CCN1: variants seen among roughly 807,000 people sequenced by gnomAD.
CCN1 encodes cellular communication network factor 1.
Under a neutral mutation model 38.1 loss-of-function variants are expected in CCN1, and 12 were observed. The ratio of observed to expected loss-of-function variants is 0.31; its 90% confidence interval spans 0.20 to 0.51. The LOEUF (loss-of-function observed/expected upper bound fraction) is 0.51. Among genes scored for constraint, CCN1 ranks in the 20% least tolerant of loss-of-function variants. CCN1 has a pLI of 0.97. For synonymous variants in CCN1, 202 were observed against 196.1 expected, an observed-to-expected ratio of 1.03 and a Z score of -0.25; for missense variants, 466 against 490.9, an observed-to-expected ratio of 0.95 and a Z score of 0.48.
In CCN1 at chr1:85,581,958, A is replaced by G. The variant is rs1234557285; in HGVS notation, c.308A>G (p.Asn103Ser). The change falls in exon 3 of 5, where the codon AAC becomes AGC. Residue 103 changes from asparagine to serine, a missense_variant. Transcript: ENST00000451137. Reference sequence around the variant, plus strand: ...TCAGAGGGCAGACCCTGTGAATATAACTCCAGAATCTACCAAAACGGGGAA... The same window carrying G: ...TCAGAGGGCAGACCCTGTGAATATAGCTCCAGAATCTACCAAAACGGGGAA... ...AQSEGRPCEY[N>S]SRIYQNGESF... 5 of 1,613,976 alleles carry G rather than the reference A, an allele frequency of 3.1e-6. No individual in the cohort carries two copies. In the South Asian group the frequency reaches 5.5e-5, roughly 18 times the overall value.
rs1804662 is a variant in CCN1 at position 85,582,441 on chromosome 1, A to G, written c.660A>G (p.Leu220=). The change falls in exon 4 of 5, where the codon CTA becomes CTG. Residue 220 remains leucine, a synonymous_variant. Coordinates refer to ENST00000451137, the MANE Select transcript of CCN1 (RefSeq NM_001554.5). ...LPVFGMEPRI[L]YNPLQGQKCI... ...TTTTTGGAATGGAGCCTCGCATCCT[A>G]TACAACCCTTTACAAGGCCAGAAAT... 108 of 1,614,156 alleles carry G rather than the reference A, an allele frequency of 6.7e-5. 1 individual carries two copies. The African/African-American group carries it at 1.3e-3, about 19-fold the overall frequency.
chr1:85,582,866 A>T lies in CCN1; in HGVS notation c.970A>T (p.Thr324Ser). The change falls in exon 5 of 5, where the codon ACG (threonine) becomes TCG (serine). Residue 324 changes from threonine (T) to serine (S), a missense_variant. Transcript: ENST00000451137. ...TTCCTGCGTGGACGGCCGATGCTGC[A>T]CGCCCCAGCTGACCAGGACTGTGAA... Reference protein sequence around the residue: ...CGSCVDGRCCTPQLTRTVKMR... With the variant: ...CGSCVDGRCCSPQLTRTVKMR... 1 of 1,614,170 alleles carries T rather than the reference A, an allele frequency of 6.2e-7. No individual in the cohort carries two copies. The highest frequency in any genetic ancestry group is 8.5e-7 in the Non-Finnish European group (1 of 1,180,042).
rs566337737 is a variant in CCN1, at chr1:85,581,267, G to T, written c.64-98G>T. 152 of 1,326,298 alleles carry T rather than the reference G, an allele frequency of 1.1e-4. 1 individual carries two copies. In the African/African-American group the frequency reaches 2.2e-3, roughly 19 times the overall value. 82.2% of individuals were successfully genotyped at this position (1,326,298 alleles called of 1,614,324 possible). A position where few individuals can be genotyped will look rare whatever the true frequency, so the allele number is the denominator to read the frequency against. On this transcript the variant is annotated intron_variant, in intron 1 of 4. Transcript: ENST00000451137. Reference sequence around the variant, plus strand: ...GGCTGGACGAGATCAGAGGCTCCCCGTCGATAGGGTCGGAGACCCCCGTCC... The same window carrying T: ...GGCTGGACGAGATCAGAGGCTCCCCTTCGATAGGGTCGGAGACCCCCGTCC...
At chr1:85,581,813 A>C (rs1005696455) in intron 2 of CCN1, 115 bp from the exon 3 acceptor site, 1 of 1,230,960 alleles carries the variant, frequency 8.1e-7, no homozygotes, top group African/African-American at 1.5e-5. Context: ...GGGGAATTGT[A>C]GGGAACTTTA....
At position 85,581,971 on chromosome 1, in the gene CCN1, C is replaced by T. The variant is rs761757797; in HGVS notation, c.321C>T (p.Tyr107=). ...GRPCEYNSRI[Y]QNGESFQPNC... ...CCTGTGAATATAACTCCAGAATCTA[C>T]CAAAACGGGGAAAGTTTCCAGCCCA... Residue 107 remains tyrosine (Y), a synonymous_variant, in exon 3 of 5, where the codon TAC becomes TAT. Transcript: ENST00000451137. 6.8e-6 allele frequency: 11 copies of T among 1,614,192 alleles called. No homozygotes were observed. In the South Asian group the frequency reaches 1.1e-4, roughly 16 times the overall value.
In CCN1 at chr1:85,582,963, A is replaced by G. The variant is rs533799749; in HGVS notation, c.1067A>G (p.Asn356Ser). 5 of 1,614,206 alleles carry G rather than the reference A, an allele frequency of 3.1e-6. No homozygotes were observed. Among genetic ancestry groups the G allele is most frequent in the South Asian group, 1.1e-5 (1 of 91,084 alleles). Residue 356 changes from asparagine (N) to serine (S), a missense_variant, in exon 5 of 5, where the codon AAC becomes AGC. Asn to Ser is a conservative substitution (Grantham distance 46, BLOSUM62 1). Around this residue, in one of 3 missense-constraint regions of CCN1, gnomAD observed 309 missense variants for 319.9 expected, o/e 0.97. Coordinates refer to ENST00000451137, the MANE Select transcript of CCN1 (RefSeq NM_001554.5). ...NVMMIQSCKCNYNCPHANEAA... is the reference protein window; with the variant it reads ...NVMMIQSCKCSYNCPHANEAA... ...ATGATGATCCAGTCCTGCAAATGCA[A>G]CTACAACTGCCCGCATGCCAATGAA... is the stretch of plus-strand genomic sequence containing the variant.
At position 85,582,242 on chromosome 1, in the gene CCN1, T is replaced by C. The variant is rs1284866421; in HGVS notation, c.592T>C (p.Leu198=). 6.2e-7 allele frequency: 1 copy of C among 1,614,126 alleles called. No individual in the cohort carries two copies. The highest frequency in any genetic ancestry group is 8.5e-7 in the Non-Finnish European group (1 of 1,180,030). The stretch of plus-strand genomic sequence containing the variant: ...GGTGGAGTTGACGAGAAACAATGAA[T>C]TGATTGCAGTTGGAAAAGGCAGCTC... ...SEVELTRNNE[L]IAVGKGSSLK... The change falls in exon 3 of 5, where the codon TTG becomes CTG. Residue 198 remains leucine (L), a synonymous_variant. Transcript: ENST00000451137.
Position 85,583,047 on chromosome 1 carries a change from T to C in CCN1, c.*5T>C. The C allele has an allele frequency of 6.2e-7, 1 of 1,605,124 alleles. No homozygotes were observed. The highest frequency in any genetic ancestry group is 8.5e-7 in the Non-Finnish European group (1 of 1,172,688). On this transcript the variant is annotated 3_prime_UTR_variant, in exon 5 of 5. Transcript: ENST00000451137. ...ATTCACAAATTTAGGGACTAAATGC[T>C]ACCTGGGTTTCCAGGGCACACCTAG... is the stretch of plus-strand genomic sequence containing the variant.
chr1:85,581,104 C>A (rs938260463), intron 1 of CCN1, 57 bp downstream of exon 1: 2 of 1,538,918 alleles, frequency 1.3e-6, no homozygotes, highest in South Asian at 2.5e-5. Context: ...GCCCCTTCCC[C>A]TGGTCCCAGA....
chr1:85,581,082 G>T (rs746507710), intron 1 of CCN1, 35 bp downstream of exon 1: 2 of 1,585,614 alleles, frequency 1.3e-6, no homozygotes, highest in Non-Finnish European at 1.7e-6. Flanking sequence ...CCTATTCCCC[G>T]TCCGCTCTCC....
Position 85,582,081 on chromosome 1 carries a change from G to T in CCN1, c.431G>T (p.Gly144Val). ...CAAGAACTATCTCTCCCCAACTTGG[G>T]CTGTCCCAACCCTCGGCTGGTCAAA... ...CPQELSLPNL[G>V]CPNPRLVKVT... Residue 144 changes from glycine (G) to valine (V), a missense_variant, in exon 3 of 5, where the codon GGC becomes GTC. Gly to Val is a moderately radical substitution (Grantham distance 109). Transcript: ENST00000451137. The T allele has an allele frequency of 6.2e-7, 1 of 1,614,190 alleles. No individual in the cohort carries two copies. The highest frequency in any genetic ancestry group is 8.5e-7 in the Non-Finnish European group (1 of 1,180,038).
rs9658584 is a variant in CCN1 at position 85,581,628 on chromosome 1, G to C, written c.277+50G>C. The C allele has an allele frequency of 0.19, 303,264 of 1,573,466 alleles. 30,707 individuals carry two copies. Among genetic ancestry groups the C allele is most frequent in the Admixed American group, 0.24 (13,267 of 56,106 alleles). On this transcript the variant is annotated intron_variant, in intron 2 of 4. Transcript: ENST00000451137. ...TTTAAAAAAAATACTAGTCCCCATAGTCCAGAAGTTTAGTAATTCTGAGAC... is the reference window on the plus strand; with the variant it reads ...TTTAAAAAAAATACTAGTCCCCATACTCCAGAAGTTTAGTAATTCTGAGAC...
In CCN1 at chr1:85,581,012, G is replaced by C. The variant is rs1167784252; in HGVS notation, c.28G>C (p.Ala10Pro). The stretch of plus-strand genomic sequence containing the variant: ...GAGCTCCCGCATCGCCAGGGCGCTC[G>C]CCTTAGTCGTCACCCTTCTCCACTT... MSSRIARAL[A>P]LVVTLLHLTR... Residue 10 changes from alanine to proline, a missense_variant, in exon 1 of 5, where the codon GCC (alanine) becomes CCC (proline). Physicochemically the swap from Ala to Pro is conservative, Grantham distance 27. Around this residue, in one of 3 missense-constraint regions of CCN1, gnomAD observed 146 missense variants for 141.1 expected, o/e 1.03. Transcript: ENST00000451137. 3 of 1,607,900 alleles carry C rather than the reference G, an allele frequency of 1.9e-6. No individual in the cohort carries two copies.
Position 85,583,159 on chromosome 1 carries a change from A to C in CCN1, c.*117A>C. On this transcript the variant is annotated 3_prime_UTR_variant, in exon 5 of 5. Coordinates refer to ENST00000451137, the MANE Select transcript of CCN1 (RefSeq NM_001554.5). ...GGTGATGGGACTCATTGTAGAAAGGAAGCCTTGCTCATTCTTGAGGAGCAT... is the reference window on the plus strand; with the variant it reads ...GGTGATGGGACTCATTGTAGAAAGGCAGCCTTGCTCATTCTTGAGGAGCAT... 8.8e-7 allele frequency: 1 copy of C among 1,136,326 alleles called. No homozygotes were observed. Among genetic ancestry groups the C allele is most frequent in the Non-Finnish European group, 1.2e-6 (1 of 800,264 alleles). The allele number at this position is 1,136,326 out of a possible 1,614,324, so 70.4% of individuals were successfully genotyped here.
rs1004412930 is a variant in CCN1 at position 85,583,631 on chromosome 1, A to G, written c.*589A>G. 3 of 152,782 alleles carry G rather than the reference A, an allele frequency of 2.0e-5. No individual in the cohort carries two copies. The highest frequency in any genetic ancestry group is 4.8e-5 in the African/African-American group (2 of 41,458). The allele number at this position is 152,782 out of a possible 1,614,324, so 9.5% of individuals were successfully genotyped here. On this transcript the variant is annotated 3_prime_UTR_variant, in exon 5 of 5. Coordinates refer to ENST00000451137, the MANE Select transcript of CCN1 (RefSeq NM_001554.5). ...AATGTAATACTGGAATAATTTGTAA[A>G]TGATTTTAATTTTATATTCAGTGAA...
chr1:85,581,090 TC>T, intron 1 of CCN1, 43 bp downstream of exon 1: 1 of 1,562,410 alleles, frequency 6.4e-7, no homozygotes, highest in South Asian at 1.2e-5. Flanking sequence ...CCGTCCGCTC[TC>T]CAGCCCCTTC....
rs1476465572 is a variant in CCN1 at position 85,582,576 on chromosome 1, G to A, written c.795G>A (p.Arg265=). ...NPECRLVKET[R]ICEVRPCGQP... ...AGTGCCGCCTTGTGAAAGAAACCCG[G>A]ATTTGTGAGGTGCGGCCTTGTGGAC... Residue 265 remains arginine, a synonymous_variant, in exon 4 of 5, where the codon CGG becomes CGA. Transcript: ENST00000451137. The A allele has an allele frequency of 1.9e-6, 3 of 1,614,046 alleles. No individual in the cohort carries two copies. Among genetic ancestry groups the A allele is most frequent in the African/African-American group, 2.7e-5 (2 of 74,906 alleles).
Position 85,583,162 on chromosome 1 carries a change from C to T in CCN1, c.*120C>T. The T allele has an allele frequency of 8.9e-7, 1 of 1,120,856 alleles. No individual in the cohort carries two copies. Among genetic ancestry groups the T allele is most frequent in the Non-Finnish European group, 1.3e-6 (1 of 788,280 alleles). 69.4% of individuals were successfully genotyped at this position (1,120,856 alleles called of 1,614,324 possible). On this transcript the variant is annotated 3_prime_UTR_variant, in exon 5 of 5. Coordinates refer to ENST00000451137, the MANE Select transcript of CCN1 (RefSeq NM_001554.5). ...GATGGGACTCATTGTAGAAAGGAAGCCTTGCTCATTCTTGAGGAGCATTAA... is the reference window on the plus strand; with the variant it reads ...GATGGGACTCATTGTAGAAAGGAAGTCTTGCTCATTCTTGAGGAGCATTAA...
At position 85,582,527 on chromosome 1, in the gene CCN1, C is replaced by G; in HGVS notation, c.746C>G (p.Thr249Arg). 1.9e-6 allele frequency: 3 copies of G among 1,614,188 alleles called. No individual in the cohort carries two copies. The highest frequency in any genetic ancestry group is 2.5e-6 in the Non-Finnish European group (3 of 1,180,040). The change falls in exon 4 of 5, where the codon ACA becomes AGA. Residue 249 changes from threonine (T) to arginine (R), a missense_variant. Thr to Arg is a moderately conservative substitution (Grantham distance 71). Coordinates refer to ENST00000451137, the MANE Select transcript of CCN1 (RefSeq NM_001554.5). ...AAGACCTGTGGAACTGGTATCTCCACACGAGTTACCAATGACAACCCTGAG... is the reference window on the plus strand; with the variant it reads ...AAGACCTGTGGAACTGGTATCTCCAGACGAGTTACCAATGACAACCCTGAG... The part of the protein sequence containing the change: ...CSKTCGTGIS[T>R]RVTNDNPECR...
Sources: gnomAD v4.1 joint callset for allele counts on GRCh38, gnomAD v4.1.1 for gene constraint, gnomAD v4.1.1 regional missense constraint, MANE v1.5 for transcripts, NCBI Gene and HGNC (gene_info 2026-07-23, HGNC 2026-07-21) for gene names.